CNTN1: variants seen among roughly 807,000 people sequenced by gnomAD.
CNTN1 encodes contactin-1.
Under a neutral mutation model 126.4 loss-of-function variants are expected in CNTN1, and 38 were observed. The ratio of observed to expected loss-of-function variants is 0.30; its 90% CI spans 0.23 to 0.39. The LOEUF is 0.39. Ranked by LOEUF, CNTN1 falls within the 10% of genes least tolerant of loss-of-function variation. CNTN1 has a pLI of 1.00. For missense variants in CNTN1, 1,009 were observed against 1,248.4 expected (o/e 0.81, Z 2.89); for synonymous variants, 413 against 422.6 (o/e 0.98, Z 0.28).
chr12:40,939,587 GA>G, intron 12 of CNTN1, 102 bp downstream of exon 12: 3 of 1,374,380 alleles, frequency 2.2e-6, no homozygotes, highest in South Asian at 2.6e-5. Flanking sequence ...TTTTTGCTCT[GA>G]ATTTTTTTTT....
intron 1 of CNTN1, among the ~76,000 whole-genome samples, chr12:40,847,145 C>T (rs1197455547): frequency 2.6e-5 from 4 of 152,160 alleles, no homozygotes; most frequent in Admixed American, 6.5e-5. Flanking sequence ...GGATGACAGG[C>T]GTGAGCGACT....
intron 15 of CNTN1, among the ~76,000 whole-genome samples, chr12:40,970,952 C>T (rs183551127): frequency 9.7e-4 from 147 of 152,164 alleles, no homozygotes; most frequent in Non-Finnish European, 1.6e-3. Flanking sequence ...ATGTATATAT[C>T]GACATAAGAA....
chr12:40,805,278 A>C (rs1407532507), intron 1 of CNTN1, among the ~76,000 whole-genome samples: 1 of 151,672 alleles, frequency 6.6e-6, no homozygotes, highest in Non-Finnish European at 1.5e-5. Context: ...TTTCTTCTGG[A>C]CTTTTGCACG....
intron 13 of CNTN1, 31 bp downstream of exon 13, chr12:40,943,755 T>C: frequency 6.2e-7 from 1 of 1,609,548 alleles, no homozygotes; most frequent in Non-Finnish European, 8.5e-7. Flanking sequence ...GCTTAATTTC[T>C]AATGTATTAA....
intron 3 of CNTN1, among the ~76,000 whole-genome samples, chr12:40,911,084 T>G (rs960169357): frequency 6.6e-5 from 10 of 152,062 alleles, no homozygotes; most frequent in Non-Finnish European, 1.3e-4. Flanking sequence ...TTAATTTATT[T>G]ATTTATTTAT....
intron 1 of CNTN1, among the ~76,000 whole-genome samples, chr12:40,801,019 T>TG (rs1479925155): frequency 6.7e-6 from 1 of 149,276 alleles, no homozygotes; most frequent in Non-Finnish European, 1.5e-5. Flanking sequence ...AGTTTTGTTT[T>TG]TTTTTTTTTT....
chr12:41,036,683 TTA>T (rs2120912972), intron 23 of CNTN1, among the ~76,000 whole-genome samples: 1 of 152,230 alleles, frequency 6.6e-6, no homozygotes, highest in Non-Finnish European at 1.5e-5. Flanking sequence ...GCCATTATAT[TTA>T]GTTACTTCCC....
chr12:40,799,236 T>C (rs1229614395), intron 1 of CNTN1, among the ~76,000 whole-genome samples: 1 of 151,138 alleles, frequency 6.6e-6, no homozygotes, highest in East Asian at 1.9e-4. Context: ...TGAAGTTTGT[T>C]TAATTAATTG....
At chr12:40,701,318 T>C (rs934909802) in intron 1 of CNTN1, among the ~76,000 whole-genome samples, 1 of 152,224 alleles carries the variant, frequency 6.6e-6, no homozygotes, top group Non-Finnish European at 1.5e-5. Context: ...ATGCCTCTAA[T>C]AGGCCAATCA....
At chr12:40,829,499 A>C (rs1208158762) in intron 1 of CNTN1, among the ~76,000 whole-genome samples, 1 of 151,978 alleles carries the variant, frequency 6.6e-6, no homozygotes, top group Non-Finnish European at 1.5e-5. Context: ...GTATCACTTT[A>C]TTTTTTTTAA....
chr12:40,992,853 T>G lies in CNTN1; in HGVS notation c.1964-267T>G, dbSNP rs150113833. On this transcript the variant is annotated intron_variant, in intron 16 of 23. Transcript: ENST00000551295. ...TGGACTAGCACCAAGCCTGGAGGCT[T>G]GTTAGACATGCAGAATTGCAGACTC... Among the ~76,000 whole-genome samples, 407 of 152,308 alleles carry G rather than the reference T, an allele frequency of 2.7e-3. 1 individual carries two copies. The highest frequency in any genetic ancestry group is 0.01 in the Middle Eastern group (3 of 294).
chr12:41,056,118 C>T (rs1949796500), intron 23 of CNTN1, among the ~76,000 whole-genome samples: 1 of 152,016 alleles, frequency 6.6e-6, no homozygotes, highest in African/African-American at 2.4e-5. Flanking sequence ...CTGCAGAGAC[C>T]ACAGACAATT....
At chr12:41,053,492 C>CT (rs1949735450) in intron 23 of CNTN1, among the ~76,000 whole-genome samples, 1 of 112,026 alleles carries the variant, frequency 8.9e-6, no homozygotes, top group Non-Finnish European at 1.7e-5. Context: ...AGTGTCAGTT[C>CT]TTTATAAGGT....
chr12:40,986,363 C>T (rs535034423), intron 16 of CNTN1, among the ~76,000 whole-genome samples: 6 of 152,240 alleles, frequency 3.9e-5, no homozygotes, highest in Admixed American at 2.6e-4. Flanking sequence ...AAGTGCATGT[C>T]ATTACTTTAG....
intron 17 of CNTN1, among the ~76,000 whole-genome samples, chr12:41,000,812 T>G (rs181862740): frequency 2.6e-5 from 4 of 152,202 alleles, no homozygotes; most frequent in African/African-American, 9.6e-5. Context: ...TGCCCCAGTA[T>G]GTGTTGTTCC....
At chr12:40,904,911 G>A (rs1944754947) in intron 1 of CNTN1, among the ~76,000 whole-genome samples, 1 of 152,188 alleles carries the variant, frequency 6.6e-6, no homozygotes, top group African/African-American at 2.4e-5. Context: ...CAGCCTAATG[G>A]AATAATAAAT....
chr12:41,024,352 A>G (rs1027086023), intron 20 of CNTN1, among the ~76,000 whole-genome samples: 1 of 152,064 alleles, frequency 6.6e-6, no homozygotes, highest in African/African-American at 2.4e-5. Flanking sequence ...ATTACATATA[A>G]CATATTTTTA....
chr12:40,923,764 C>A (rs1230171062), intron 5 of CNTN1, among the ~76,000 whole-genome samples: 1 of 152,034 alleles, frequency 6.6e-6, no homozygotes, highest in African/African-American at 2.4e-5. Flanking sequence ...AAGTAAGACA[C>A]CAGGCCTAGA....
intron 1 of CNTN1, among the ~76,000 whole-genome samples, chr12:40,876,042 C>T (rs1356659261): frequency 6.6e-6 from 1 of 151,132 alleles, no homozygotes; most frequent in Non-Finnish European, 1.5e-5. Flanking sequence ...ATGATTTTAC[C>T]ACCAATATTT....
Sources: gnomAD v4.1 joint callset for allele counts (sites outside exome capture counted in the v4.1 genomes callset) on GRCh38, gnomAD v4.1.1 for gene constraint, MANE v1.5 for transcripts, NCBI Gene and HGNC (gene_info 2026-07-23, HGNC 2026-07-21) for gene names.